LHFPL3: variants seen among roughly 807,000 people sequenced by gnomAD.
The protein encoded by LHFPL3 is LHFPL tetraspan subfamily member 3 protein.
LHFPL3 carries 5 observed loss-of-function variants against 19.3 expected under a neutral mutation model. That is an observed-to-expected ratio of 0.26 (90% confidence interval 0.14 to 0.54). The LOEUF (loss-of-function observed/expected upper bound fraction) is 0.54, where lower values mean the gene tolerates loss of function less well. Among genes scored for constraint, LHFPL3 ranks in the 20% least tolerant of loss-of-function variants. The pLI is 0.94. For missense variants in LHFPL3, 249 were observed against 307.4 expected (o/e 0.81, Z 1.42); for synonymous variants, 133 against 126.2 (o/e 1.05, Z -0.36).
At position 104,780,995 on chromosome 7, in the gene LHFPL3, C is replaced by T. The variant is rs1479075385; in HGVS notation, c.682+44084C>T. Among the ~76,000 whole-genome samples the T allele has an allele frequency of 3.9e-5, 6 of 152,196 alleles. No individual in the cohort carries two copies. The East Asian group carries it at 1.2e-3, about 29-fold the overall frequency. ...ACCCGTTCTTTGCCAACATCCTCAA[C>T]TCCTTTGCCATGTGCCTTGTTGAAG... On this transcript the variant is annotated intron_variant, in intron 2 of 2. Transcript: ENST00000424859.
intron 1 of LHFPL3, among the ~76,000 whole-genome samples, chr7:104,547,115 A>G (rs1239945799): frequency 2.6e-5 from 2 of 77,800 alleles, no homozygotes; most frequent in East Asian, 3.2e-4. Flanking sequence ...GGGCGCCTGT[A>G]GTCCCAGCTA....
intron 1 of LHFPL3, among the ~76,000 whole-genome samples, chr7:104,471,455 C>T (rs1051408058): frequency 6.6e-6 from 1 of 152,096 alleles, no homozygotes; most frequent in Non-Finnish European, 1.5e-5. Context: ...GCCTCATCTG[C>T]AATATAAGGT....
chr7:104,614,672 CTTCCTTCCTTCT>C (rs1372590535), intron 1 of LHFPL3, among the ~76,000 whole-genome samples: 6 of 88,140 alleles, frequency 6.8e-5, no homozygotes, highest in Non-Finnish European at 9.9e-5. Context: ...TCCTTCCTTC[CTTCCTTCCTTCT>C]TTCTTTCTTT....
intron 1 of LHFPL3, among the ~76,000 whole-genome samples, chr7:104,456,548 C>G (rs193202804): frequency 2.6e-5 from 4 of 152,240 alleles, no homozygotes; most frequent in Admixed American, 2.0e-4. Flanking sequence ...ATGGAAGATT[C>G]GTTCTAACTG....
chr7:104,384,005 T>G (rs1790884523), intron 1 of LHFPL3, among the ~76,000 whole-genome samples: 1 of 152,202 alleles, frequency 6.6e-6, no homozygotes, highest in South Asian at 2.1e-4. Context: ...GCCGCCTGGT[T>G]TTTTACCTTT....
chr7:104,901,437 A>G (rs1792482178), intron 2 of LHFPL3, among the ~76,000 whole-genome samples: 1 of 152,206 alleles, frequency 6.6e-6, no homozygotes, highest in Admixed American at 6.5e-5. Context: ...CTCTGGTCGC[A>G]GTGTCTAAGT....
intron 1 of LHFPL3, among the ~76,000 whole-genome samples, chr7:104,365,802 AAAAG>A (rs1790483192): frequency 6.8e-6 from 1 of 146,108 alleles, no homozygotes; most frequent in African/African-American, 2.5e-5. Flanking sequence ...AAAAAAAAAA[AAAAG>A]AAAAGCCTCT....
intron 1 of LHFPL3, among the ~76,000 whole-genome samples, chr7:104,720,393 A>G (rs1793465734): frequency 6.6e-6 from 1 of 152,200 alleles, no homozygotes; most frequent in African/African-American, 2.4e-5. Context: ...AATTAATTCA[A>G]GATGGATTAA....
At chr7:104,427,167 A>G (rs1414058717) in intron 1 of LHFPL3, among the ~76,000 whole-genome samples, 1 of 152,202 alleles carries the variant, frequency 6.6e-6, no homozygotes, top group African/African-American at 2.4e-5. Context: ...TCGGTGGAAG[A>G]CGAGGTGCCA....
chr7:104,769,667 T>A (rs13244802), intron 2 of LHFPL3, among the ~76,000 whole-genome samples: 22,907 of 149,402 alleles, frequency 0.15, 1,981 homozygotes, highest in Non-Finnish European at 0.19. Context: ...TGTCCATGTG[T>A]TCTCATTGTT....
At chr7:104,344,774 G>A (rs1385541245) in intron 1 of LHFPL3, among the ~76,000 whole-genome samples, 2 of 152,158 alleles carry the variant, frequency 1.3e-5, no homozygotes. Context: ...TTTCCTTTGG[G>A]TAGCTACCCA....
At chr7:104,849,042 T>G (rs974704505) in intron 2 of LHFPL3, among the ~76,000 whole-genome samples, 3 of 152,046 alleles carry the variant, frequency 2.0e-5, no homozygotes, top group African/African-American at 7.3e-5. Context: ...TCCTCCCACC[T>G]CAGCCTCCCA....
At position 104,335,201 on chromosome 7, in the gene LHFPL3, A is replaced by C. The variant is rs191002198; in HGVS notation, c.445+5977A>C. Among the ~76,000 whole-genome samples the C allele has an allele frequency of 6.8e-4, 104 of 152,292 alleles. 1 individual carries two copies. Among genetic ancestry groups the C allele is most frequent in the African/African-American group, 2.4e-3 (99 of 41,554 alleles). ...TGGCTAGTGCTGAGCAGTGTGAAAAAGTGAGCTCTTGCCCCAAAATGCTGC... is the reference window on the plus strand; with the variant it reads ...TGGCTAGTGCTGAGCAGTGTGAAAACGTGAGCTCTTGCCCCAAAATGCTGC... On this transcript the variant is annotated intron_variant, in intron 1 of 2. Coordinates refer to ENST00000424859, the MANE Select transcript of LHFPL3 (RefSeq NM_199000.3).
At chr7:104,638,751 A>G (rs1316722232) in intron 1 of LHFPL3, among the ~76,000 whole-genome samples, 1 of 149,376 alleles carries the variant, frequency 6.7e-6, no homozygotes, top group Non-Finnish European at 1.5e-5. Context: ...CTACTTGATC[A>G]TGGTGGGGTA....
At chr7:104,412,543 A>G (rs1201924614) in intron 1 of LHFPL3, among the ~76,000 whole-genome samples, 1 of 152,084 alleles carries the variant, frequency 6.6e-6, no homozygotes, top group African/African-American at 2.4e-5. Context: ...AACTTGACCA[A>G]TAATTTCAAT....
intron 1 of LHFPL3, among the ~76,000 whole-genome samples, chr7:104,519,764 G>T (rs1354111881): frequency 1.3e-5 from 2 of 152,092 alleles, no homozygotes; most frequent in African/African-American, 4.8e-5. Context: ...ATTGATGCAG[G>T]GAAACAAGCC....
intron 1 of LHFPL3, among the ~76,000 whole-genome samples, chr7:104,510,834 G>A (rs976019033): frequency 1.3e-5 from 2 of 152,122 alleles, no homozygotes; most frequent in Non-Finnish European, 2.9e-5. Flanking sequence ...TCACTTATAA[G>A]TGGGAGCTAA....
chr7:104,606,611 T>C (rs1319394471), intron 1 of LHFPL3, among the ~76,000 whole-genome samples: 1 of 152,226 alleles, frequency 6.6e-6, no homozygotes, highest in Admixed American at 6.5e-5. Context: ...GAAAACCATG[T>C]AATTGGCCAA....
At chr7:104,531,884 C>T (rs1200409616) in intron 1 of LHFPL3, among the ~76,000 whole-genome samples, 1 of 152,072 alleles carries the variant, frequency 6.6e-6, no homozygotes, top group Non-Finnish European at 1.5e-5. Flanking sequence ...GGCCAGCAGG[C>T]ACCTATCCCT....
Sources: gnomAD v4.1 joint callset for allele counts (sites outside exome capture counted in the v4.1 genomes callset) on GRCh38, gnomAD v4.1.1 for gene constraint, MANE v1.5 for transcripts, NCBI Gene and HGNC (gene_info 2026-07-23, HGNC 2026-07-21) for gene names.